Variants in GLDC observed in about 807,000 individuals in gnomAD.
GLDC encodes glycine decarboxylase.
In GLDC, 104 loss-of-function variants were observed where a neutral mutation model predicts 121.3. That is an observed-to-expected ratio of 0.86 (90% CI 0.73 to 1.01). The LOEUF (loss-of-function observed/expected upper bound fraction) is 1.01. Ranked by LOEUF, GLDC falls within the 50% of genes least tolerant of loss-of-function variation. The pLI is 0.00. For missense variants in GLDC, 1,429 were observed against 1,306.6 expected, an observed-to-expected ratio of 1.09 and a Z score of -1.44; for synonymous variants, 546 against 480.6, an observed-to-expected ratio of 1.14 and a Z score of -1.78.
At chr9:6,540,489 C>T (rs1023336794) in intron 21 of GLDC, 7 of 339,246 alleles carry the variant, frequency 2.1e-5, no homozygotes, top group African/African-American at 6.4e-5. Context: ...ATAAAATCTA[C>T]TTGCAACAGT....
chr9:6,633,693 G>C (rs1008822698), intron 2 of GLDC, among the ~76,000 whole-genome samples: 4 of 152,034 alleles, frequency 2.6e-5, no homozygotes, highest in African/African-American at 9.7e-5. Context: ...GGCCAAGGAG[G>C]GTGGATCACC....
At chr9:6,534,881 C>T (rs1817088959) in intron 23 of GLDC, 93 bp from the exon 24 acceptor site, 1 of 740,568 alleles carries the variant, frequency 1.4e-6, no homozygotes, top group South Asian at 1.5e-5. Context: ...CTGACAGGAG[C>T]CCAGGCAGAG....
Position 6,645,437 on chromosome 9 carries a change from GC to G in GLDC, c.62del (p.Arg21ProfsTer70), listed in dbSNP as rs1819726234. 1 of 1,275,242 alleles carries G rather than the reference GC, an allele frequency of 7.8e-7. No individual in the cohort carries two copies. The highest frequency in any genetic ancestry group is 1.6e-5 in the African/African-American group (1 of 64,136). The allele number at this position is 1,275,242 out of a possible 1,614,324, so 79.0% of individuals were successfully genotyped here. On this transcript the variant is annotated frameshift_variant, in exon 1 of 25. Transcript: ENST00000321612. LOFTEE classifies it high-confidence loss of function. ...RLGRGVGGGR[R>X]LAGGSGPCWA... is the part of the protein sequence containing the mutation. ...AGCACGGCCCCGATCCCCCAGCCAG[GC>G]GGCGGCCGCCCCCGACCCCGCGGCC... is the stretch of plus-strand genomic sequence containing the variant.
intron 2 of GLDC, among the ~76,000 whole-genome samples, chr9:6,621,620 C>T (rs1045688676): frequency 1.3e-5 from 2 of 152,108 alleles, no homozygotes; most frequent in Non-Finnish European, 2.9e-5. Context: ...CAGGTTCAAG[C>T]GATTCTTCTG....
intron 21 of GLDC, among the ~76,000 whole-genome samples, chr9:6,548,947 C>T (rs561154238): frequency 6.6e-6 from 1 of 152,304 alleles, no homozygotes; most frequent in East Asian, 1.9e-4. Flanking sequence ...TCCTCCTTCA[C>T]TACCTGCAAA....
chr9:6,545,724 T>G (rs1212202926), intron 21 of GLDC, among the ~76,000 whole-genome samples: 38 of 152,164 alleles, frequency 2.5e-4, no homozygotes, highest in Admixed American at 2.5e-3. Context: ...CACTGCAGCC[T>G]CCTATTCCTG....
At chr9:6,645,212 G>C in intron 1 of GLDC, 33 bp downstream of exon 1, 1 of 1,554,102 alleles carries the variant, frequency 6.4e-7, no homozygotes, top group Non-Finnish European at 8.7e-7. Flanking sequence ...AGGGCGGAGG[G>C]GAGGCCGCGG....
Position 6,556,447 on chromosome 9 carries a change from C to T in GLDC, c.2053-145G>A, listed in dbSNP as rs1587925075. The T allele has an allele frequency of 4.5e-6, 3 of 664,140 alleles. No homozygotes were observed. The South Asian group carries it at 5.2e-5, about 12-fold the overall frequency. The allele number at this position is 664,140 out of a possible 1,614,324, so 41.1% of individuals were successfully genotyped here. A position where few individuals can be genotyped will look rare whatever the true frequency, so the allele number is the denominator to read the frequency against. On this transcript the variant is annotated intron_variant, in intron 17 of 24. Coordinates refer to ENST00000321612, the MANE Select transcript of GLDC (RefSeq NM_000170.3). ...GAACTGTCTCAAAGTACAATGACAG[C>T]AATAAAAAAAAACCACAGCCATTAC...
intron 5 of GLDC, among the ~76,000 whole-genome samples, chr9:6,605,634 G>A (rs1043632129): frequency 1.3e-5 from 2 of 152,152 alleles, no homozygotes; most frequent in Admixed American, 1.3e-4. Context: ...TTAAGTGAAT[G>A]GAAAACCATA....
At chr9:6,633,486 C>T (rs916869390) in intron 2 of GLDC, among the ~76,000 whole-genome samples, 1 of 152,204 alleles carries the variant, frequency 6.6e-6, no homozygotes, top group Admixed American at 6.5e-5. Context: ...CCCAATTCTG[C>T]TCAAGCAAGA....
intron 15 of GLDC, among the ~76,000 whole-genome samples, chr9:6,576,658 A>G (rs965814841): frequency 6.6e-6 from 1 of 151,858 alleles, no homozygotes; most frequent in African/African-American, 2.4e-5. Flanking sequence ...GCAGAGATGG[A>G]GTTTCACTAC....
At chr9:6,572,938 C>G (rs1015334514) in intron 15 of GLDC, among the ~76,000 whole-genome samples, 3 of 152,190 alleles carry the variant, frequency 2.0e-5, no homozygotes, top group Admixed American at 2.0e-4. Flanking sequence ...ATCTCACAAA[C>G]AGGTATTTCC....
At chr9:6,560,106 G>C (rs1817720799) in intron 16 of GLDC, among the ~76,000 whole-genome samples, 1 of 152,166 alleles carries the variant, frequency 6.6e-6, no homozygotes, top group Non-Finnish European at 1.5e-5. Flanking sequence ...CAACCATGTG[G>C]ACACAGGCTC....
intron 8 of GLDC, among the ~76,000 whole-genome samples, chr9:6,598,200 G>A (rs920688997): frequency 4.0e-5 from 6 of 151,356 alleles, no homozygotes; most frequent in African/African-American, 1.5e-4. Flanking sequence ...GCTAATTTTT[G>A]TACTTTTTTT....
chr9:6,553,325 GC>G, intron 20 of GLDC, 42 bp downstream of exon 20: 1 of 1,594,682 alleles, frequency 6.3e-7, no homozygotes, highest in Non-Finnish European at 8.6e-7. Context: ...CATGCCTGAC[GC>G]CCCCACCCAC....
rs1196401015 is a variant in GLDC, at chr9:6,556,266, TCATGATAG to T, written c.2081_2088del (p.Ala694AspfsTer11). On this transcript the variant is annotated frameshift_variant, in exon 18 of 25. Transcript: ENST00000321612. LOFTEE classifies it high-confidence loss of function. ...ACCCCATTGGTGGATGGGTATGTAA[TCATGATAG>T]CTGCTAGGTTCTCCTTGTGCTTATC... The T allele has an allele frequency of 6.2e-7, 1 of 1,613,520 alleles. No homozygotes were observed. Among genetic ancestry groups the T allele is most frequent in the East Asian group, 2.2e-5 (1 of 44,876 alleles).
At chr9:6,574,091 C>A (rs1192648519) in intron 15 of GLDC, among the ~76,000 whole-genome samples, 1 of 152,132 alleles carries the variant, frequency 6.6e-6, no homozygotes, top group Admixed American at 6.6e-5. Flanking sequence ...CCTTTGCTAT[C>A]TAGTCAAAAA....
chr9:6,540,517 C>A (rs114470172), intron 21 of GLDC: 105 of 261,110 alleles, frequency 4.0e-4, no homozygotes, highest in African/African-American at 2.2e-3. Context: ...GTTGTATAGT[C>A]CTGATCCTTT....
chr9:6,568,646 G>A (rs983922756), intron 15 of GLDC, among the ~76,000 whole-genome samples: 3 of 152,114 alleles, frequency 2.0e-5, no homozygotes, highest in East Asian at 1.9e-4. Flanking sequence ...TCAGGAGTTC[G>A]AGACCAGCCT....
Sources: allele counts gnomAD v4.1 joint callset (sites outside exome capture counted in the v4.1 genomes callset), GRCh38; gene constraint gnomAD v4.1.1; transcripts MANE v1.5; gene names NCBI Gene and HGNC (gene_info 2026-07-23, HGNC 2026-07-21).